Variants in BNC2 observed in about 807,000 individuals in gnomAD.
BNC2 encodes the protein basonuclin zinc finger protein 2.
A neutral mutation model predicts 76.3 loss-of-function variants in BNC2; 20 were observed. The ratio of observed to expected loss-of-function variants is 0.26; its 90% CI spans 0.18 to 0.38. The LOEUF (loss-of-function observed/expected upper bound fraction) is 0.38, where lower values mean the gene tolerates loss of function less well. Ranked by LOEUF, BNC2 falls within the 10% of genes least tolerant of loss-of-function variation. The pLI is 1.00. For synonymous variants in BNC2, 582 were observed against 514.8 expected (o/e 1.13, Z -1.77); for missense variants, 1,382 against 1,399.8 (o/e 0.99, Z 0.20).
At chr9:16,566,123 C>G (rs944150328) in intron 4 of BNC2, among the ~76,000 whole-genome samples, 1 of 152,044 alleles carries the variant, frequency 6.6e-6, no homozygotes, top group African/African-American at 2.4e-5. Context: ...TTCCATGTAG[C>G]CTAGAGAGGC....
intron 5 of BNC2, among the ~76,000 whole-genome samples, chr9:16,551,242 C>T (rs943742): frequency 0.45 from 68,155 of 152,070 alleles, 16,023 homozygotes; most frequent in South Asian, 0.58. Context: ...TAAATTAAGA[C>T]GTCATTCTAT....
At chr9:16,438,952 C>G (rs778168312) in intron 5 of BNC2, among the ~76,000 whole-genome samples, 11 of 152,098 alleles carry the variant, frequency 7.2e-5, no homozygotes, top group Non-Finnish European at 1.6e-4. Flanking sequence ...CCATAATCCC[C>G]AAATGTCATG....
At position 16,834,534 on chromosome 9, in the gene BNC2, C is replaced by T. The variant is rs190096894; in HGVS notation, c.3+36112G>A. ...CTAAATCCACTACCTTCTCTATGCC[C>T]AGTCACTCTTCTGTAGAAAGAAGAA... On this transcript the variant is annotated intron_variant, in intron 1 of 6. Coordinates refer to ENST00000380672, the MANE Select transcript of BNC2 (RefSeq NM_017637.6). Among the ~76,000 whole-genome samples, 96 of 152,288 alleles carry T rather than the reference C, an allele frequency of 6.3e-4. 1 individual carries two copies. Among genetic ancestry groups the T allele is most frequent in the African/African-American group, 2.2e-3 (91 of 41,560 alleles).
chr9:16,570,352 C>T (rs1819287233), intron 4 of BNC2, among the ~76,000 whole-genome samples: 1 of 152,110 alleles, frequency 6.6e-6, no homozygotes, highest in Non-Finnish European at 1.5e-5. Context: ...TCCTCCTTCC[C>T]CCAGTAATTC....
At chr9:16,754,180 T>C (rs1825308230) in intron 1 of BNC2, among the ~76,000 whole-genome samples, 2 of 152,212 alleles carry the variant, frequency 1.3e-5, no homozygotes, top group African/African-American at 4.8e-5. Context: ...GTAAAATCTT[T>C]GTCCAAGGCA....
At chr9:16,730,170 C>A (rs1587359859) in intron 2 of BNC2, among the ~76,000 whole-genome samples, 1 of 152,108 alleles carries the variant, frequency 6.6e-6, no homozygotes, top group Non-Finnish European at 1.5e-5. Flanking sequence ...GTAATAGACT[C>A]TTTTATTAAA....
At chr9:16,478,062 A>T (rs1371621253) in intron 5 of BNC2, among the ~76,000 whole-genome samples, 1 of 152,210 alleles carries the variant, frequency 6.6e-6, no homozygotes, top group South Asian at 2.1e-4. Flanking sequence ...TATCTGGCTC[A>T]TCACAGTCTG....
chr9:16,438,340 T>C (rs1821061661), intron 5 of BNC2, among the ~76,000 whole-genome samples: 1 of 152,214 alleles, frequency 6.6e-6, no homozygotes, highest in Admixed American at 6.5e-5. Flanking sequence ...TTAGACAGAA[T>C]AAATGTGTAA....
intron 5 of BNC2, among the ~76,000 whole-genome samples, chr9:16,455,903 T>C (rs1000375042): frequency 2.6e-5 from 4 of 152,226 alleles, no homozygotes; most frequent in Non-Finnish European, 4.4e-5. Flanking sequence ...TTTCCAAATC[T>C]GTAGCTATAA....
intron 1 of BNC2, among the ~76,000 whole-genome samples, chr9:16,752,894 A>G (rs987918203): frequency 6.6e-6 from 1 of 152,170 alleles, no homozygotes; most frequent in African/African-American, 2.4e-5. Context: ...TTCTAAATGA[A>G]TACAGTGCAC....
chr9:16,723,452 T>C (rs943135770), intron 3 of BNC2, among the ~76,000 whole-genome samples: 4 of 151,136 alleles, frequency 2.6e-5, no homozygotes, highest in Non-Finnish European at 4.4e-5. Context: ...TGTAATACTA[T>C]ATATATATAT....
intron 1 of BNC2, among the ~76,000 whole-genome samples, chr9:16,791,967 T>G (rs1018501987): frequency 2.6e-5 from 4 of 151,820 alleles, no homozygotes; most frequent in African/African-American, 4.8e-5. Context: ...CCAGGTGTGG[T>G]TGCTCGTGCC....
intron 1 of BNC2, among the ~76,000 whole-genome samples, chr9:16,845,245 C>A (rs1818940978): frequency 6.6e-6 from 1 of 152,178 alleles, no homozygotes; most frequent in African/African-American, 2.4e-5. Context: ...ATTTGACTGA[C>A]ACCATAAAAA....
chr9:16,597,091 A>G (rs995858379), intron 3 of BNC2, among the ~76,000 whole-genome samples: 1 of 152,146 alleles, frequency 6.6e-6, no homozygotes, highest in Admixed American at 6.5e-5. Context: ...ATGTTTTTAC[A>G]TCAAAGTATA....
intron 3 of BNC2, among the ~76,000 whole-genome samples, chr9:16,657,583 A>G (rs1420996318): frequency 6.6e-6 from 1 of 152,180 alleles, no homozygotes; most frequent in Non-Finnish European, 1.5e-5. Context: ...TGCCAGATGG[A>G]AACAGAGGTG....
intron 1 of BNC2, among the ~76,000 whole-genome samples, chr9:16,755,416 T>C (rs910487276): frequency 3.9e-5 from 6 of 152,144 alleles, no homozygotes; most frequent in Admixed American, 3.3e-4. Flanking sequence ...GATGTAAACT[T>C]TTAGCTACAT....
chr9:16,527,326 G>A (rs1461347369), intron 5 of BNC2, among the ~76,000 whole-genome samples: 1 of 152,190 alleles, frequency 6.6e-6, no homozygotes. Context: ...GCATCAAAGA[G>A]ACAGGAAAGT....
intron 2 of BNC2, among the ~76,000 whole-genome samples, chr9:16,732,674 C>T (rs1044479676): frequency 1.3e-5 from 2 of 152,168 alleles, no homozygotes; most frequent in African/African-American, 4.8e-5. Context: ...ATTCACTATT[C>T]ATTTTCAAGG....
chr9:16,869,802 G>A (rs987659963), intron 1 of BNC2, among the ~76,000 whole-genome samples: 2 of 152,160 alleles, frequency 1.3e-5, no homozygotes, highest in African/African-American at 4.8e-5. Context: ...GGCAAAGCCA[G>A]CCCATCTCCT....
Sources: gnomAD v4.1 joint callset for allele counts (sites outside exome capture counted in the v4.1 genomes callset) on GRCh38, gnomAD v4.1.1 for gene constraint, MANE v1.5 for transcripts, NCBI Gene and HGNC (gene_info 2026-07-23, HGNC 2026-07-21) for gene names.